Variants in ESRRG observed in about 807,000 individuals in gnomAD.
ESRRG encodes estrogen related receptor gamma.
In ESRRG, 13 loss-of-function variants were observed where a neutral mutation model predicts 44.0. That is an observed-to-expected ratio of 0.30 (90% CI 0.19 to 0.47). ESRRG has a LOEUF of 0.47. ESRRG is among the 20% of genes least tolerant of loss of function. The pLI is 1.00. For synonymous variants in ESRRG, 215 were observed against 214.6 expected (o/e 1.00, Z -0.02); for missense variants, 395 against 580.6 (o/e 0.68, Z 3.29).
At chr1:216,662,627 G>T (rs572181493) in intron 2 of ESRRG, among the ~76,000 whole-genome samples, 54 of 106,278 alleles carry the variant, frequency 5.1e-4, no homozygotes, top group South Asian at 1.5e-3. Context: ...CAGGGAGAGT[G>T]GGGGGGTTCC....
intron 2 of ESRRG, among the ~76,000 whole-genome samples, chr1:216,827,774 T>C (rs907236328): frequency 1.3e-5 from 2 of 152,178 alleles, no homozygotes; most frequent in Non-Finnish European, 2.9e-5. Context: ...CACAGTCACG[T>C]AGGACCTAAT....
At chr1:216,706,899 A>G (rs2082564239) in intron 1 of ESRRG, among the ~76,000 whole-genome samples, 1 of 152,182 alleles carries the variant, frequency 6.6e-6, no homozygotes, top group Admixed American at 6.5e-5. Flanking sequence ...CCTAAATAAA[A>G]TGCATCCACT....
chr1:217,130,142 C>T (rs974527630), intron 1 of ESRRG, among the ~76,000 whole-genome samples: 3 of 152,256 alleles, frequency 2.0e-5, no homozygotes, highest in Non-Finnish European at 4.4e-5. Flanking sequence ...TCCTTATTCC[C>T]TTTATTTCAT....
chr1:216,532,512 C>T (rs2049681450), intron 5 of ESRRG, among the ~76,000 whole-genome samples: 1 of 152,166 alleles, frequency 6.6e-6, no homozygotes, highest in Admixed American at 6.5e-5. Context: ...TTCACTATTG[C>T]CGACGCAGCA....
At chr1:216,734,154 C>T (rs1381118830) in intron 2 of ESRRG, among the ~76,000 whole-genome samples, 2 of 152,108 alleles carry the variant, frequency 1.3e-5, no homozygotes, top group African/African-American at 4.8e-5. Flanking sequence ...GTGTCTCTGC[C>T]TTCCATTGAG....
At chr1:216,859,501 A>G (rs2096011880) in intron 2 of ESRRG, among the ~76,000 whole-genome samples, 1 of 152,232 alleles carries the variant, frequency 6.6e-6, no homozygotes, top group African/African-American at 2.4e-5. Context: ...AATATTAAAC[A>G]GTGCATGCAT....
chr1:216,912,928 C>T (rs1295633629), intron 2 of ESRRG, among the ~76,000 whole-genome samples: 1 of 151,666 alleles, frequency 6.6e-6, no homozygotes, highest in Non-Finnish European at 1.5e-5. Flanking sequence ...TCAAAAACAG[C>T]CTGGCCAACA....
chr1:217,003,800 T>A (rs1579343974), intron 1 of ESRRG, among the ~76,000 whole-genome samples: 1 of 152,004 alleles, frequency 6.6e-6, no homozygotes, highest in East Asian at 1.9e-4. Context: ...TGAGACTTAT[T>A]TTCAGTCTGT....
chr1:217,111,989 G>A (rs375977967), intron 1 of ESRRG, among the ~76,000 whole-genome samples: 75 of 152,268 alleles, frequency 4.9e-4, no homozygotes, highest in Middle Eastern at 3.4e-3. Flanking sequence ...ATGCCACAGA[G>A]AGAAGCCATA....
At chr1:217,008,567 C>G (rs1035904761) in intron 1 of ESRRG, among the ~76,000 whole-genome samples, 24 of 152,192 alleles carry the variant, frequency 1.6e-4, no homozygotes, top group Non-Finnish European at 2.8e-4. Context: ...TGTGAGAACT[C>G]TTGGAGTAGA....
chr1:216,754,077 C>T (rs1364709822), intron 2 of ESRRG, among the ~76,000 whole-genome samples: 1 of 151,926 alleles, frequency 6.6e-6, no homozygotes, highest in African/African-American at 2.4e-5. Context: ...TTTTTTTCTT[C>T]CCAAAACATA....
At chr1:216,965,368 A>G (rs921250230) in intron 1 of ESRRG, among the ~76,000 whole-genome samples, 1 of 152,110 alleles carries the variant, frequency 6.6e-6, no homozygotes, top group African/African-American at 2.4e-5. Flanking sequence ...TTTTAATGCA[A>G]GGCTTCATCT....
intron 1 of ESRRG, among the ~76,000 whole-genome samples, chr1:216,680,679 T>C (rs114115716): frequency 0.012 from 1,794 of 152,328 alleles, 42 homozygotes; most frequent in African/African-American, 0.04. Context: ...CTTAGCTCAT[T>C]ACACTGAACA....
intron 3 of ESRRG, among the ~76,000 whole-genome samples, chr1:216,603,355 A>C (rs1203928757): frequency 2.6e-5 from 4 of 152,170 alleles, no homozygotes; most frequent in Non-Finnish European, 5.9e-5. Context: ...ACTGACCCTA[A>C]CTTTCATTGA....
intron 1 of ESRRG, among the ~76,000 whole-genome samples, chr1:216,683,468 G>T (rs77287867): frequency 6.6e-6 from 1 of 152,242 alleles, no homozygotes; most frequent in Non-Finnish European, 1.5e-5. Context: ...TAGTTCAAAA[G>T]ACTCTCTCTA....
upstream of ESRRG, among the ~76,000 whole-genome samples, chr1:216,727,769 T>C (rs527605939): frequency 2.6e-5 from 4 of 152,088 alleles, no homozygotes; most frequent in African/African-American, 9.7e-5. Flanking sequence ...ACAAACCTCT[T>C]GTCCTATAAA....
chr1:216,938,622 G>A (rs975103670), intron 2 of ESRRG, among the ~76,000 whole-genome samples: 1 of 152,170 alleles, frequency 6.6e-6, no homozygotes, highest in African/African-American at 2.4e-5. Flanking sequence ...GCTGAATGCT[G>A]TTCAAAAATA....
intron 1 of ESRRG, among the ~76,000 whole-genome samples, chr1:217,121,691 G>T (rs2092821811): frequency 6.6e-6 from 1 of 152,196 alleles, no homozygotes; most frequent in African/African-American, 2.4e-5. Flanking sequence ...AGTCAGGAAT[G>T]CAAGTTGAGA....
intron 3 of ESRRG, among the ~76,000 whole-genome samples, chr1:216,645,527 T>G (rs2150972479): frequency 6.6e-6 from 1 of 152,222 alleles, no homozygotes; most frequent in Admixed American, 6.5e-5. Context: ...ATGAATGGAC[T>G]TGCTCCAAAT....
Sources: gnomAD v4.1 joint callset for allele counts (sites outside exome capture counted in the v4.1 genomes callset) on GRCh38, gnomAD v4.1.1 for gene constraint, MANE v1.5 for transcripts, NCBI Gene and HGNC (gene_info 2026-07-23, HGNC 2026-07-21) for gene names.